IMMP2L: variants seen among roughly 807,000 people sequenced by gnomAD.
The protein encoded by IMMP2L is mitochondrial inner membrane protease subunit 2.
Under a neutral mutation model 19.3 loss-of-function variants are expected in IMMP2L, and 18 were observed. The observed-to-expected ratio is 0.93, with a 90% CI of 0.64 to 1.38. IMMP2L has a LOEUF of 1.38. Ranked by LOEUF, IMMP2L falls within the 40% of genes most tolerant of loss-of-function variation. The probability of loss-of-function intolerance (pLI) is 0.00; values close to 1 mark genes in which losing one functional copy is unlikely to be tolerated. For missense variants in IMMP2L, 233 were observed against 218.2 expected, an observed-to-expected ratio of 1.07 and a Z score of -0.43; for synonymous variants, 76 against 73.0, an observed-to-expected ratio of 1.04 and a Z score of -0.21.
chr7:111,255,456 A>AT (rs972191415), intron 3 of IMMP2L, among the ~76,000 whole-genome samples: 13 of 150,990 alleles, frequency 8.6e-5, no homozygotes, highest in South Asian at 2.1e-4. Context: ...TCATTATAGT[A>AT]TTTTTTTTTA....
intron 3 of IMMP2L, chr7:111,411,667 C>T (rs1834445584): frequency 8.6e-6 from 2 of 232,364 alleles, no homozygotes; most frequent in African/African-American, 2.3e-5. Context: ...TCACCAAGTC[C>T]CAGGAGCAAA....
chr7:111,150,153 T>C (rs1179246611), intron 3 of IMMP2L, among the ~76,000 whole-genome samples: 2 of 152,176 alleles, frequency 1.3e-5, no homozygotes, highest in African/African-American at 4.8e-5. Flanking sequence ...GATCTCTTTG[T>C]AGGTTTGACA....
chr7:110,841,859 C>A (rs1395959184), intron 5 of IMMP2L, among the ~76,000 whole-genome samples: 1 of 152,136 alleles, frequency 6.6e-6, no homozygotes, highest in African/African-American at 2.4e-5. Context: ...AACTATTTCA[C>A]CCTGTCCCAA....
intron 3 of IMMP2L, among the ~76,000 whole-genome samples, chr7:111,047,841 TG>T (rs1199093090): frequency 3.3e-5 from 5 of 152,144 alleles, no homozygotes; most frequent in Admixed American, 1.3e-4. Context: ...AAGATACATG[TG>T]CATTGTACTC....
At chr7:111,478,268 T>G (rs1841889340) in intron 3 of IMMP2L, among the ~76,000 whole-genome samples, 1 of 152,188 alleles carries the variant, frequency 6.6e-6, no homozygotes, top group African/African-American at 2.4e-5. Context: ...AATAAACTAA[T>G]CTATTGAGTT....
At position 110,874,613 on chromosome 7, in the gene IMMP2L, G is replaced by A. The variant is rs539374396; in HGVS notation, c.408+11980C>T. On this transcript the variant is annotated intron_variant, in intron 5 of 5. Coordinates refer to ENST00000405709, the MANE Select transcript of IMMP2L (RefSeq NM_032549.4). ...ATCTAAAAAAATACTTCTTAAGGTGGTTGCTTTCTTTAAATTAAAATATAG... is the reference window on the plus strand; with the variant it reads ...ATCTAAAAAAATACTTCTTAAGGTGATTGCTTTCTTTAAATTAAAATATAG... 2.6e-5 allele frequency among the ~76,000 whole-genome samples: 4 copies of A among 151,856 alleles called. No individual in the cohort carries two copies. The East Asian group carries it at 7.7e-4, about 29-fold the overall frequency.
At chr7:110,939,923 T>A (rs1341559332) in intron 4 of IMMP2L, among the ~76,000 whole-genome samples, 1 of 152,140 alleles carries the variant, frequency 6.6e-6, no homozygotes, top group Non-Finnish European at 1.5e-5. Context: ...TATATACTCA[T>A]GTGGGCAAAA....
At chr7:111,249,933 G>A (rs1219573461) in intron 3 of IMMP2L, among the ~76,000 whole-genome samples, 2 of 152,086 alleles carry the variant, frequency 1.3e-5, no homozygotes, top group Non-Finnish European at 2.9e-5. Flanking sequence ...AAGAAATAAA[G>A]GATATTCAAA....
At chr7:110,959,491 A>G (rs1818711387) in intron 4 of IMMP2L, among the ~76,000 whole-genome samples, 1 of 151,980 alleles carries the variant, frequency 6.6e-6, no homozygotes, top group Non-Finnish European at 1.5e-5. Context: ...AACATTTGAC[A>G]TTGTTAGCAA....
intron 3 of IMMP2L, among the ~76,000 whole-genome samples, chr7:111,387,665 A>T (rs924137260): frequency 6.6e-6 from 1 of 152,090 alleles, no homozygotes. Flanking sequence ...CACATCTAGA[A>T]TAATAATTTT....
Position 111,487,173 on chromosome 7 carries a change from C to G in IMMP2L, c.239+65G>C, listed in dbSNP as rs577437203. ...CAATATGATATTAACAGTGGATTAC[C>G]AGTTAAATCAGCATAAGTATAAATA... On this transcript the variant is annotated intron_variant, in intron 3 of 5. Coordinates refer to ENST00000405709, the MANE Select transcript of IMMP2L (RefSeq NM_032549.4). 1.4e-4 allele frequency: 99 copies of G among 701,778 alleles called. 3 individuals are homozygous for G. In the Middle Eastern group the frequency reaches 5.0e-3, roughly 35 times the overall value. The allele number at this position is 701,778 out of a possible 1,614,324, so 43.5% of individuals were successfully genotyped here.
chr7:111,489,233 C>T (rs925054084), intron 2 of IMMP2L, among the ~76,000 whole-genome samples: 10 of 151,592 alleles, frequency 6.6e-5, no homozygotes, highest in Non-Finnish European at 1.0e-4. Context: ...TTAGTAGAGA[C>T]GGGGTTTCAC....
chr7:111,370,014 C>T (rs1350207273), intron 3 of IMMP2L, among the ~76,000 whole-genome samples: 1 of 152,038 alleles, frequency 6.6e-6, no homozygotes, highest in East Asian at 1.9e-4. Flanking sequence ...TGTTTAGGGA[C>T]AGAGGAAAAC....
intron 3 of IMMP2L, among the ~76,000 whole-genome samples, chr7:111,281,840 G>A (rs1819919016): frequency 6.6e-6 from 1 of 152,194 alleles, no homozygotes; most frequent in Non-Finnish European, 1.5e-5. Flanking sequence ...TTCTCTAAAG[G>A]TGACAGGGTA....
At chr7:111,305,020 C>T (rs1822707552) in intron 3 of IMMP2L, among the ~76,000 whole-genome samples, 2 of 151,780 alleles carry the variant, frequency 1.3e-5, no homozygotes, top group African/African-American at 4.8e-5. Context: ...TAGTTGATGA[C>T]AGGAAGTGAA....
At chr7:110,834,184 T>G (rs1804220678) in intron 5 of IMMP2L, among the ~76,000 whole-genome samples, 1 of 152,186 alleles carries the variant, frequency 6.6e-6, no homozygotes, top group African/African-American at 2.4e-5. Context: ...TTATGAATAA[T>G]AAATCTTAAA....
chr7:111,243,423 G>C (rs1200159306), intron 3 of IMMP2L, among the ~76,000 whole-genome samples: 2 of 151,422 alleles, frequency 1.3e-5, no homozygotes, highest in Non-Finnish European at 2.9e-5. Context: ...TCCACAATAG[G>C]TTTTCCAGTC....
chr7:110,715,620 G>A (rs926230889), intron 5 of IMMP2L, among the ~76,000 whole-genome samples: 1 of 152,048 alleles, frequency 6.6e-6, no homozygotes, highest in Non-Finnish European at 1.5e-5. Context: ...ATTCCACTAC[G>A]GTCTGAGAGT....
At chr7:111,367,306 C>T (rs1034274329) in intron 3 of IMMP2L, among the ~76,000 whole-genome samples, 4 of 150,994 alleles carry the variant, frequency 2.6e-5, no homozygotes, top group Admixed American at 1.3e-4. Flanking sequence ...TACGAAGAGC[C>T]CTCACAATGC....
Sources: gnomAD v4.1 joint callset for allele counts (sites outside exome capture counted in the v4.1 genomes callset) on GRCh38, gnomAD v4.1.1 for gene constraint, MANE v1.5 for transcripts, NCBI Gene and HGNC (gene_info 2026-07-23, HGNC 2026-07-21) for gene names.